TTYH3: variants seen among roughly 807,000 people sequenced by gnomAD.
The protein encoded by TTYH3 is protein tweety homolog 3.
TTYH3 carries 23 observed loss-of-function variants against 68.2 expected under a neutral mutation model. That is an observed-to-expected ratio of 0.34 (90% confidence interval 0.24 to 0.48). The LOEUF (loss-of-function observed/expected upper bound fraction) is 0.48, where lower values mean the gene tolerates loss of function less well. Ranked by LOEUF, TTYH3 falls within the 20% of genes least tolerant of loss-of-function variation. The probability of loss-of-function intolerance (pLI) is 0.99; values close to 1 mark genes in which losing one functional copy is unlikely to be tolerated. For missense variants in TTYH3, 768 were observed against 727.7 expected (o/e 1.06, Z -0.64); for synonymous variants, 360 against 332.8 (o/e 1.08, Z -0.89).
chr7:2,650,026 C>T (rs1786123746), intron 7 of TTYH3, 38 bp downstream of exon 7: 1 of 1,610,982 alleles, frequency 6.2e-7, no homozygotes, highest in African/African-American at 1.3e-5. Context: ...AGCGGGTTCC[C>T]CAGGGTTGGG....
rs575264197 is a variant in TTYH3 at position 2,662,897 on chromosome 7, C to T, written c.*1158C>T. ...GGGGTGCCACAGACCGACAGGCAGC[C>T]CAAGGGCCTGGACACCCCTCCCCAG... is the stretch of plus-strand genomic sequence containing the variant. On this transcript the variant is annotated 3_prime_UTR_variant, in exon 14 of 14. Coordinates refer to ENST00000258796, the MANE Select transcript of TTYH3 (RefSeq NM_025250.3). 6.6e-6 allele frequency: 1 copy of T among 152,500 alleles called. No homozygotes were observed. The highest frequency in any genetic ancestry group is 1.5e-5 in the Non-Finnish European group (1 of 68,112). 9.4% of individuals were successfully genotyped at this position (152,500 alleles called of 1,614,324 possible). A position where few individuals can be genotyped will look rare whatever the true frequency, so the allele number is the denominator to read the frequency against.
chr7:2,652,143 G>A, intron 7 of TTYH3, 44 bp from the exon 8 acceptor site: 2 of 1,586,494 alleles, frequency 1.3e-6, no homozygotes, highest in Non-Finnish European at 1.7e-6. Flanking sequence ...CAGTCTCACA[G>A]GGACAGCTGT....
intron 12 of TTYH3, 91 bp downstream of exon 12, chr7:2,658,550 C>A: frequency 6.9e-7 from 1 of 1,456,382 alleles, no homozygotes; most frequent in Non-Finnish European, 9.2e-7. Flanking sequence ...AGGCAAGGGG[C>A]TGGAGAAGGG....
chr7:2,640,467 T>C (rs916151128), intron 1 of TTYH3, among the ~76,000 whole-genome samples: 42 of 152,094 alleles, frequency 2.8e-4, no homozygotes, highest in Non-Finnish European at 5.7e-4. Context: ...AGTGGCATGC[T>C]TCCTCACACG....
chr7:2,647,325 C>T, intron 3 of TTYH3, 72 bp downstream of exon 3: 3 of 1,512,592 alleles, frequency 2.0e-6, no homozygotes, highest in East Asian at 2.5e-5. Flanking sequence ...CGAGGACGGG[C>T]GGGGCAGCCG....
At chr7:2,653,782 G>A (rs560223867) in intron 9 of TTYH3, among the ~76,000 whole-genome samples, 1 of 152,374 alleles carries the variant, frequency 6.6e-6, no homozygotes, top group East Asian at 1.9e-4. Flanking sequence ...AGAATCACTT[G>A]AACCTGGGAG....
rs1163193764 is a variant in TTYH3 at position 2,650,001 on chromosome 7, C to G, written c.871+13C>G. On this transcript the variant is annotated intron_variant, in intron 7 of 13. Transcript: ENST00000258796. ...GTGCTGAGTGGGGGTGAGTCTGTGT[C>G]CACGGCCGTGTCCCAGCGGGTTCCC... The G allele has an allele frequency of 6.2e-7, 1 of 1,613,618 alleles. No individual in the cohort carries two copies. The highest frequency in any genetic ancestry group is 8.5e-7 in the Non-Finnish European group (1 of 1,179,820).
At chr7:2,649,077 G>T (rs1038623066) in intron 5 of TTYH3, among the ~76,000 whole-genome samples, 4 of 152,072 alleles carry the variant, frequency 2.6e-5, no homozygotes, top group Non-Finnish European at 5.9e-5. Context: ...TGTGTATCTG[G>T]ATCAAAGGGA....
intron 13 of TTYH3, chr7:2,659,975 G>T: frequency 7.7e-7 from 1 of 1,303,738 alleles, no homozygotes; most frequent in Non-Finnish European, 1.0e-6. Context: ...GCAGCCACGC[G>T]GGCTGGCAGT....
intron 5 of TTYH3, 129 bp downstream of exon 5, chr7:2,648,183 C>A (rs908554452): frequency 4.7e-6 from 4 of 846,910 alleles, no homozygotes; most frequent in African/African-American, 1.7e-5. Flanking sequence ...TGAGCGGGAC[C>A]CCCCTGCACT....
At chr7:2,655,644 CACGG>C (rs2114995257) in intron 9 of TTYH3, among the ~76,000 whole-genome samples, 1 of 152,372 alleles carries the variant, frequency 6.6e-6, no homozygotes, top group East Asian at 1.9e-4. Flanking sequence ...CCGGTGAGCA[CACGG>C]ACACATTACA....
chr7:2,645,665 T>TG lies in TTYH3; in HGVS notation c.124-1183dup. ...GCCAGCCCCACCATCTCATCCAGCGTGGGGGCACGCCATGGACGGTGCCCA... is the reference window on the plus strand; with the variant it reads ...GCCAGCCCCACCATCTCATCCAGCGTGGGGGGCACGCCATGGACGGTGCCCA... On this transcript the variant is annotated intron_variant, in intron 1 of 13. Transcript: ENST00000258796. The surrounding 1 kb of genome is among the most constrained non-coding windows in gnomAD (Gnocchi z 4.8). 1 of 403,832 alleles carries TG rather than the reference T, an allele frequency of 2.5e-6. No individual in the cohort carries two copies. Among genetic ancestry groups the TG allele is most frequent in the South Asian group, 1.8e-5 (1 of 56,112 alleles). 25.0% of individuals were successfully genotyped at this position (403,832 alleles called of 1,614,324 possible). A position where few individuals can be genotyped will look rare whatever the true frequency, so the allele number is the denominator to read the frequency against.
chr7:2,653,158 G>T, intron 9 of TTYH3, 148 bp downstream of exon 9: 1 of 664,480 alleles, frequency 1.5e-6, no homozygotes. Flanking sequence ...GGTGGCATGG[G>T]AGGTGTTCCT....
intron 1 of TTYH3, among the ~76,000 whole-genome samples, chr7:2,633,874 C>G (rs1435694015): frequency 1.3e-5 from 2 of 152,216 alleles, no homozygotes; most frequent in Non-Finnish European, 2.9e-5. Flanking sequence ...GCCTGCATTC[C>G]CACATTCGAG....
chr7:2,634,353 G>A (rs977049434), intron 1 of TTYH3, among the ~76,000 whole-genome samples: 1 of 152,174 alleles, frequency 6.6e-6, no homozygotes, highest in African/African-American at 2.4e-5. Context: ...AGGGCCAGGA[G>A]CCCCCTTCCT....
intron 1 of TTYH3, 53 bp downstream of exon 1, chr7:2,632,331 C>T (rs1277815845): frequency 2.7e-6 from 4 of 1,485,438 alleles, no homozygotes; most frequent in East Asian, 5.1e-5. Context: ...TCACGGCCCC[C>T]TCCTCTCCCA....
intron 13 of TTYH3, chr7:2,659,890 ACTCTCTCTCT>A: frequency 8.5e-7 from 1 of 1,171,486 alleles, no homozygotes; most frequent in East Asian, 6.1e-5. Flanking sequence ...TTGAGGCCAC[ACTCTCTCTCT>A]CTCTCTCTCT....
Position 2,647,515 on chromosome 7 carries a change from T to C in TTYH3, c.503T>C (p.Val168Ala). ...LAGRPEPLRA[V>A]QRLQGLLETL... is the part of the protein sequence containing the mutation. ...GGGCGGCCCGAGCCCCTGCGAGCCGTACAGAGGCTGCAGGGCCTGCTGGAG... is the reference window on the plus strand; with the variant it reads ...GGGCGGCCCGAGCCCCTGCGAGCCGCACAGAGGCTGCAGGGCCTGCTGGAG... The change falls in exon 4 of 14, where the codon GTA becomes GCA. Residue 168 changes from valine to alanine, a missense_variant. Coordinates refer to ENST00000258796, the MANE Select transcript of TTYH3 (RefSeq NM_025250.3). The C allele has an allele frequency of 2.6e-6, 4 of 1,546,302 alleles. No individual in the cohort carries two copies. The highest frequency in any genetic ancestry group is 3.5e-6 in the Non-Finnish European group (4 of 1,147,332).
At chr7:2,651,060 C>G (rs911845694) in intron 7 of TTYH3, among the ~76,000 whole-genome samples, 4 of 151,952 alleles carry the variant, frequency 2.6e-5, no homozygotes, top group Non-Finnish European at 4.4e-5. Context: ...TCGGGAGTTT[C>G]GGCCCCCTCG....
Sources: gnomAD v4.1 joint callset for allele counts (sites outside exome capture counted in the v4.1 genomes callset) on GRCh38, gnomAD v4.1.1 for gene constraint, Gnocchi (gnomAD v3.1) non-coding constraint, MANE v1.5 for transcripts, NCBI Gene and HGNC (gene_info 2026-07-23, HGNC 2026-07-21) for gene names.